Variants in EIF4ENIF1 observed in about 807,000 individuals in gnomAD.
EIF4ENIF1 encodes the protein eukaryotic translation initiation factor 4E transporter.
EIF4ENIF1 carries 23 observed loss-of-function variants against 110.5 expected under a neutral mutation model. The ratio of observed to expected loss-of-function variants is 0.21; its 90% confidence interval spans 0.15 to 0.29. The LOEUF is 0.29. Ranked by LOEUF, EIF4ENIF1 falls within the 10% of genes least tolerant of loss-of-function variation. The probability of loss-of-function intolerance (pLI) is 1.00; values close to 1 mark genes in which losing one functional copy is unlikely to be tolerated. For missense variants in EIF4ENIF1, 1,031 were observed against 1,221.1 expected (o/e 0.84, Z 2.32); for synonymous variants, 440 against 437.0 (o/e 1.01, Z -0.09).
chr22:31,472,132 A>T (rs2051401429), intron 2 of EIF4ENIF1, among the ~76,000 whole-genome samples: 1 of 152,216 alleles, frequency 6.6e-6, no homozygotes, highest in East Asian at 1.9e-4. Flanking sequence ...TTTCTGGCTA[A>T]AACAATCTCT....
chr22:31,454,173 C>T lies in EIF4ENIF1; in HGVS notation c.1483G>A (p.Gly495Arg). Reference protein sequence around the residue: ...NKLVSTMKASGTLPSQPKVSR... With the variant: ...NKLVSTMKASRTLPSQPKVSR... Reference sequence around the variant, plus strand: ...ACTTTGGGCTGAGAAGGCAAAGTCCCACTTGCCTTCATTGTGCTCACTAGC... The same window carrying T: ...ACTTTGGGCTGAGAAGGCAAAGTCCTACTTGCCTTCATTGTGCTCACTAGC... Residue 495 changes from glycine (G) to arginine (R), a missense_variant, in exon 10 of 19, where the codon GGG becomes AGG. By Grantham distance (125) the Gly-to-Arg change is moderately radical. This residue lies in a region of EIF4ENIF1 where 704 missense variants were observed against 879.7 expected (regional missense o/e 0.80). Transcript: ENST00000330125. The T allele has an allele frequency of 1.2e-6, 2 of 1,614,164 alleles. No homozygotes were observed. Among genetic ancestry groups the T allele is most frequent in the Non-Finnish European group, 1.7e-6 (2 of 1,180,022 alleles).
In EIF4ENIF1 at chr22:31,474,487, C is replaced by CTA. The variant is rs1236981512; in HGVS notation, c.97-2571_97-2570insTA. ...CCATGTGTCTTTTTCAACATGCCAT[C>CTA]TTTTTTTTTTTTTTTTCCTAAAGAC... is the stretch of plus-strand genomic sequence containing the variant. On this transcript the variant is annotated intron_variant, in intron 2 of 18. Transcript: ENST00000330125. Among the ~76,000 whole-genome samples, 881 of 138,160 alleles carry CTA rather than the reference C, an allele frequency of 6.4e-3. 12 individuals carry two copies. The highest frequency in any genetic ancestry group is 0.022 in the African/African-American group (826 of 37,576). The allele number at this position is 138,160 out of a possible 152,430, so 90.6% of individuals were successfully genotyped here.
chr22:31,482,427 A>G (rs2051852230), intron 2 of EIF4ENIF1, among the ~76,000 whole-genome samples: 2 of 152,120 alleles, frequency 1.3e-5, no homozygotes, highest in Non-Finnish European at 2.9e-5. Flanking sequence ...CACGCCTGTA[A>G]TCCCAGCACT....
intron 17 of EIF4ENIF1, 139 bp from the exon 18 acceptor site, chr22:31,441,007 A>G: frequency 8.2e-7 from 1 of 1,213,206 alleles, no homozygotes; most frequent in Non-Finnish European, 1.1e-6. Flanking sequence ...TGTAATCCCC[A>G]GCACTTTGGG....
intron 18 of EIF4ENIF1, 89 bp downstream of exon 18, chr22:31,440,615 G>T: frequency 7.0e-7 from 1 of 1,432,850 alleles, no homozygotes; most frequent in Non-Finnish European, 9.5e-7. Flanking sequence ...GAATGAAAGT[G>T]TTAATTCATC....
At chr22:31,438,324 G>A (rs756860963), downstream of EIF4ENIF1, among the ~76,000 whole-genome samples, 6 of 152,136 alleles carry the variant, frequency 3.9e-5, no homozygotes, top group East Asian at 5.8e-4. Flanking sequence ...ATCTTTATCC[G>A]TAAGTGCTAT....
At chr22:31,438,746 T>A (rs891485851), downstream of EIF4ENIF1, among the ~76,000 whole-genome samples, 1 of 151,902 alleles carries the variant, frequency 6.6e-6, no homozygotes, top group African/African-American at 2.4e-5. Flanking sequence ...TTTTTTAAGA[T>A]GGAGTCTCAC....
rs1305798227 is a variant in EIF4ENIF1, at chr22:31,440,781, G to T, written c.2639C>A (p.Ala880Asp). 1 of 1,613,906 alleles carries T rather than the reference G, an allele frequency of 6.2e-7. No homozygotes were observed. The highest frequency in any genetic ancestry group is 1.3e-5 in the African/African-American group (1 of 74,930). ...LGQPFYPLPAASHPLLNPRPG... is the reference protein window; with the variant it reads ...LGQPFYPLPADSHPLLNPRPG... Reference sequence around the variant, plus strand: ...ACGAGGGTTTAAGAGAGGGTGACTAGCAGCAGGTAAAGGGTAAAAGGGCTG... The same window carrying T: ...ACGAGGGTTTAAGAGAGGGTGACTATCAGCAGGTAAAGGGTAAAAGGGCTG... The change falls in exon 18 of 19, where the codon GCT becomes GAT. Residue 880 changes from alanine to aspartate, a missense_variant. By Grantham distance (126) the Ala-to-Asp change is moderately radical (BLOSUM62 -2). Coordinates refer to ENST00000330125, the MANE Select transcript of EIF4ENIF1 (RefSeq NM_019843.4).
upstream of EIF4ENIF1, among the ~76,000 whole-genome samples, chr22:31,492,756 G>C (rs1404559637): frequency 6.6e-6 from 1 of 152,174 alleles, no homozygotes; most frequent in African/African-American, 2.4e-5. Flanking sequence ...TTTTGAGAAG[G>C]AGTCTCGCTG....
chr22:31,449,588 T>C (rs1475876867), intron 11 of EIF4ENIF1, 57 bp from the exon 12 acceptor site: 24 of 1,519,252 alleles, frequency 1.6e-5, no homozygotes, highest in Non-Finnish European at 2.0e-5. Context: ...ACTCAGAGGC[T>C]GTGAATTATG....
intron 4 of EIF4ENIF1, among the ~76,000 whole-genome samples, chr22:31,464,700 ATATATATAT>A (rs1389224859): frequency 1.6e-5 from 1 of 61,352 alleles, no homozygotes; most frequent in African/African-American, 7.3e-5. Flanking sequence ...AAAAAAAAAA[ATATATATAT>A]ATATATATAT....
At position 31,454,211 on chromosome 22, in the gene EIF4ENIF1, G is replaced by C; in HGVS notation, c.1445C>G (p.Thr482Ser). ...TGTGCTCACTAGCTTGTTGAACGCAGTCATGTCTCCGTCTTTCTTCAGTTG... is the reference window on the plus strand; with the variant it reads ...TGTGCTCACTAGCTTGTTGAACGCACTCATGTCTCCGTCTTTCTTCAGTTG... ...NRQLKKDGDM[T>S]AFNKLVSTMK... Residue 482 changes from threonine to serine, a missense_variant, in exon 10 of 19, where the codon ACT (threonine) becomes AGT (serine). By Grantham distance (58) the Thr-to-Ser change is moderately conservative. Around this residue, in one of 3 missense-constraint regions of EIF4ENIF1, gnomAD observed 704 missense variants for 879.7 expected, o/e 0.80. Coordinates refer to ENST00000330125, the MANE Select transcript of EIF4ENIF1 (RefSeq NM_019843.4). The C allele has an allele frequency of 1.2e-6, 2 of 1,614,194 alleles. No homozygotes were observed. Among genetic ancestry groups the C allele is most frequent in the Non-Finnish European group, 8.5e-7 (1 of 1,180,028 alleles).
chr22:31,471,039 T>C (rs918601171), intron 3 of EIF4ENIF1, among the ~76,000 whole-genome samples: 2 of 149,200 alleles, frequency 1.3e-5, no homozygotes, highest in African/African-American at 4.9e-5. Flanking sequence ...AGAAAAGAAA[T>C]GACTAAGGTG....
At chr22:31,475,417 C>T (rs756079218) in intron 2 of EIF4ENIF1, among the ~76,000 whole-genome samples, 59 of 152,074 alleles carry the variant, frequency 3.9e-4, no homozygotes, top group Non-Finnish European at 5.4e-4. Context: ...TCAGCCTGGG[C>T]AATATAAGGA....
chr22:31,469,888 C>T (rs1301578400), intron 3 of EIF4ENIF1, among the ~76,000 whole-genome samples: 1 of 151,922 alleles, frequency 6.6e-6, no homozygotes, highest in Non-Finnish European at 1.5e-5. Context: ...GTAGGCCAGA[C>T]GCAGTGGCTC....
chr22:31,482,551 A>G (rs2051857572), intron 2 of EIF4ENIF1, among the ~76,000 whole-genome samples: 1 of 152,038 alleles, frequency 6.6e-6, no homozygotes, highest in Non-Finnish European at 1.5e-5. Context: ...GCATCATGGC[A>G]CGTGCCTGTA....
At chr22:31,442,828 A>G in intron 16 of EIF4ENIF1, 134 bp downstream of exon 16, 1 of 1,210,246 alleles carries the variant, frequency 8.3e-7, no homozygotes, top group Non-Finnish European at 1.2e-6. Flanking sequence ...TCTCACTGAC[A>G]CAGAACCATA....
intron 4 of EIF4ENIF1, among the ~76,000 whole-genome samples, chr22:31,467,792 CA>C (rs372497808): frequency 6.9e-6 from 1 of 145,976 alleles, no homozygotes; most frequent in Non-Finnish European, 1.5e-5. Context: ...GACTCCGTCT[CA>C]AAAAAAAACA....
In EIF4ENIF1 at chr22:31,454,366, C is replaced by T. The variant is rs760841005; in HGVS notation, c.1290G>A (p.Gly430=). 5.0e-6 allele frequency: 8 copies of T among 1,614,000 alleles called. No individual in the cohort carries two copies. Among genetic ancestry groups the T allele is most frequent in the South Asian group, 3.3e-5 (3 of 91,074 alleles). Residue 430 remains glycine (G), a synonymous_variant, in exon 10 of 19, where the codon GGG becomes GGA. Coordinates refer to ENST00000330125, the MANE Select transcript of EIF4ENIF1 (RefSeq NM_019843.4). ...KEKLKESSHS[G]VVLSVEEVEA... is the part of the protein sequence containing the mutation. Reference sequence around the variant, plus strand: ...CTACCTCCTCCACTGAAAGCACAACCCCTGAATGTGCTGAGAAGTTGAGAA... The same window carrying T: ...CTACCTCCTCCACTGAAAGCACAACTCCTGAATGTGCTGAGAAGTTGAGAA...
Sources: allele counts gnomAD v4.1 joint callset (sites outside exome capture counted in the v4.1 genomes callset), GRCh38; gene constraint gnomAD v4.1.1; regional missense constraint gnomAD v4.1.1; transcripts MANE v1.5; gene names NCBI Gene and HGNC (gene_info 2026-07-23, HGNC 2026-07-21).